Variants in HRAS observed in about 807,000 individuals in gnomAD.
HRAS encodes the protein HRas proto-oncogene, GTPase.
A neutral mutation model predicts 19.8 loss-of-function variants in HRAS; 11 were observed. The observed-to-expected ratio is 0.55, with a 90% CI of 0.35 to 0.92. HRAS has a LOEUF of 0.92. Ranked by LOEUF, HRAS falls within the 40% of genes least tolerant of loss-of-function variation. HRAS has a pLI of 0.01. For missense variants in HRAS, 204 were observed against 255.9 expected, an observed-to-expected ratio of 0.80 and a Z score of 1.38; for synonymous variants, 149 against 105.5, an observed-to-expected ratio of 1.41 and a Z score of -2.52.
Position 533,920 on chromosome 11 carries a change from T to G in HRAS, c.136A>C (p.Ile46Leu). The change falls in exon 3 of 6, where the codon ATT becomes CTT. Residue 46 changes from isoleucine to leucine, a missense_variant. Transcript: ENST00000311189. ...IEDSYRKQVV[I>L]DGETCLLDIL... is the part of the protein sequence containing the mutation. ...TCCAACAGGCACGTCTCCCCATCAA[T>G]GACCACCTGCTTCCGGTAGGAATCC... 2 of 1,612,706 alleles carry G rather than the reference T, an allele frequency of 1.2e-6. No homozygotes were observed. The highest frequency in any genetic ancestry group is 1.7e-6 in the Non-Finnish European group (2 of 1,179,970).
intron 1 of HRAS, 69 bp from the exon 2 acceptor site, chr11:534,444 G>C: frequency 1.3e-6 from 1 of 778,912 alleles, no homozygotes. Context: ...GCTGCTGGCA[G>C]GGCCATCTGA....
At position 532,457 on chromosome 11, in the gene HRAS, T is replaced by G. The variant is rs1402558861; in HGVS notation, c.*71A>C. 2.2e-5 allele frequency: 19 copies of G among 870,760 alleles called. No homozygotes were observed. Among genetic ancestry groups the G allele is most frequent in the Admixed American group, 1.2e-4 (5 of 41,990 alleles). 53.9% of individuals were successfully genotyped at this position (870,760 alleles called of 1,614,324 possible). A position where few individuals can be genotyped will look rare whatever the true frequency, so the allele number is the denominator to read the frequency against. ...CTTCCTTCCTTCCTTGCTTCCGTCC[T>G]TCCTTCCTCCTCCTTCCGTCTGCAC... On this transcript the variant is annotated 3_prime_UTR_variant, in exon 6 of 6. Transcript: ENST00000311189.
At chr11:533,683 G>C in intron 3 of HRAS, 71 bp from the exon 4 acceptor site, 1 of 1,611,716 alleles carries the variant, frequency 6.2e-7, no homozygotes, top group East Asian at 2.2e-5. Context: ...TGCGCAGAGA[G>C]GACAGGAGGC....
rs1851157641 is a variant in HRAS, at chr11:532,456, C to T, written c.*72G>A. 4 of 862,508 alleles carry T rather than the reference C, an allele frequency of 4.6e-6. No homozygotes were observed. The highest frequency in any genetic ancestry group is 7.1e-6 in the Non-Finnish European group (4 of 562,064). 53.4% of individuals were successfully genotyped at this position (862,508 alleles called of 1,614,324 possible). A position where few individuals can be genotyped will look rare whatever the true frequency, so the allele number is the denominator to read the frequency against. Reference sequence around the variant, plus strand: ...CCTTCCTTCCTTCCTTGCTTCCGTCCTTCCTTCCTCCTCCTTCCGTCTGCA... The same window carrying T: ...CCTTCCTTCCTTCCTTGCTTCCGTCTTTCCTTCCTCCTCCTTCCGTCTGCA... On this transcript the variant is annotated 3_prime_UTR_variant, in exon 6 of 6. Transcript: ENST00000311189.
Position 532,744 on chromosome 11 carries a change from A to G in HRAS, c.462T>C (p.Asp154=), listed in dbSNP as rs1412169294. The G allele has an allele frequency of 1.9e-6, 3 of 1,612,744 alleles. No homozygotes were observed. Among genetic ancestry groups the G allele is most frequent in the Non-Finnish European group, 2.5e-6 (3 of 1,179,982 alleles). The change falls in exon 5 of 6, where the codon GAT becomes GAC. Residue 154 remains aspartate, a synonymous_variant. Coordinates refer to ENST00000311189, the MANE Select transcript of HRAS (RefSeq NM_005343.4). The part of the protein sequence containing the change: ...TSAKTRQGVE[D]AFYTLVREIR... The stretch of plus-strand genomic sequence containing the variant: ...TCTCACGCACCAACGTGTAGAAGGC[A>G]TCCTCCACTCCCTGGGAAAGGAGGG...
chr11:532,465 TCCTCCTTCCGTCTGCA>T lies in HRAS; in HGVS notation c.*47_*62del. On this transcript the variant is annotated 3_prime_UTR_variant, in exon 6 of 6. Transcript: ENST00000311189. ...CTTCCTTGCTTCCGTCCTTCCTTCC[TCCTCCTTCCGTCTGCA>T]CCTCCTTCCTGCATCCGGCACCTCC... 2 of 899,838 alleles carry T rather than the reference TCCTCCTTCCGTCTGCA, an allele frequency of 2.2e-6. No individual in the cohort carries two copies. Among genetic ancestry groups the T allele is most frequent in the Non-Finnish European group, 3.4e-6 (2 of 593,416 alleles). 55.7% of individuals were successfully genotyped at this position (899,838 alleles called of 1,614,324 possible).
In HRAS at chr11:532,509, G is replaced by T; in HGVS notation, c.*19C>A. On this transcript the variant is annotated 3_prime_UTR_variant, in exon 6 of 6. Coordinates refer to ENST00000311189, the MANE Select transcript of HRAS (RefSeq NM_005343.4). ...TCCTTCCTGCATCCGGCACCTCCAT[G>T]TCCTGAGCTTGTGCTGGGCGGGGCA... 1 of 1,316,170 alleles carries T rather than the reference G, an allele frequency of 7.6e-7. No homozygotes were observed. Among genetic ancestry groups the T allele is most frequent in the African/African-American group, 1.5e-5 (1 of 68,864 alleles). The allele number at this position is 1,316,170 out of a possible 1,614,324, so 81.5% of individuals were successfully genotyped here. A position where few individuals can be genotyped will look rare whatever the true frequency, so the allele number is the denominator to read the frequency against.
chr11:533,340 TAGAGCC>T, intron 4 of HRAS, 107 bp downstream of exon 4: 1 of 1,605,844 alleles, frequency 6.2e-7, no homozygotes, highest in Non-Finnish European at 8.5e-7. Context: ...GAGCTGGAGC[TAGAGCC>T]AGAGCGGCTG....
At chr11:534,946 G>A (rs540400214) in intron 1 of HRAS, among the ~76,000 whole-genome samples, 2 of 152,376 alleles carry the variant, frequency 1.3e-5, no homozygotes, top group South Asian at 2.1e-4. Context: ...GGAGCTCCTG[G>A]GAAGCAGGGA....
At position 532,528 on chromosome 11, in the gene HRAS, C is replaced by G; in HGVS notation, c.*6-6G>C. The G allele has an allele frequency of 3.4e-6, 5 of 1,452,594 alleles. No homozygotes were observed. The highest frequency in any genetic ancestry group is 4.7e-6 in the Non-Finnish European group (5 of 1,072,436). 90.0% of individuals were successfully genotyped at this position (1,452,594 alleles called of 1,614,324 possible). A position where few individuals can be genotyped will look rare whatever the true frequency, so the allele number is the denominator to read the frequency against. On this transcript the variant is annotated splice_region_variant and splice_polypyrimidine_tract_variant and intron_variant, in intron 5 of 5. Coordinates refer to ENST00000311189, the MANE Select transcript of HRAS (RefSeq NM_005343.4). ...CTCCATGTCCTGAGCTTGTGCTGGG[C>G]GGGGCACAAGGGAGGCTGCTGACCG...
chr11:534,945 G>A (rs1413756983), intron 1 of HRAS, among the ~76,000 whole-genome samples: 2 of 152,248 alleles, frequency 1.3e-5, no homozygotes, highest in East Asian at 1.9e-4. Context: ...AGGAGCTCCT[G>A]GGAAGCAGGG....
intron 5 of HRAS, 21 bp downstream of exon 5, chr11:532,607 GGCC>G (rs1273622267): frequency 6.2e-7 from 1 of 1,602,124 alleles, no homozygotes; most frequent in African/African-American, 1.3e-5. Context: ...TGGGCGTGGC[GGCC>G]GCCCTGGGAG....
rs1382489544 is a variant in HRAS at position 535,554 on chromosome 11, G to C, written c.-192C>G. ...CTCGGGTTGCGGGCGCAGGGCACGG[G>C]CGGCGGAGACTCGGGCGGGCCTGCG... On this transcript the variant is annotated 5_prime_UTR_variant, in exon 1 of 6. Transcript: ENST00000311189. The C allele has an allele frequency of 6.7e-6, 1 of 148,706 alleles. No individual in the cohort carries two copies. Among genetic ancestry groups the C allele is most frequent in the Non-Finnish European group, 1.5e-5 (1 of 66,450 alleles). The allele number at this position is 148,706 out of a possible 1,614,324, so 9.2% of individuals were successfully genotyped here. A position where few individuals can be genotyped will look rare whatever the true frequency, so the allele number is the denominator to read the frequency against.
chr11:533,147 G>A, intron 4 of HRAS: 2 of 838,738 alleles, frequency 2.4e-6, no homozygotes, highest in Non-Finnish European at 3.6e-6. Flanking sequence ...CACCGCTCCG[G>A]CCTGGCTCAG....
At position 532,671 on chromosome 11, in the gene HRAS, G is replaced by C. The variant is rs1201430199; in HGVS notation, c.535C>G (p.Pro179Ala). The C allele has an allele frequency of 6.2e-7, 1 of 1,613,022 alleles. No individual in the cohort carries two copies. The highest frequency in any genetic ancestry group is 1.3e-5 in the African/African-American group (1 of 75,048). ...ACACACTTGCAGCTCATGCAGCCGGGGCCACTCTCATCAGGAGGGTTCAGC... is the reference window on the plus strand; with the variant it reads ...ACACACTTGCAGCTCATGCAGCCGGCGCCACTCTCATCAGGAGGGTTCAGC... ...RKLNPPDESG[P>A]GCMSCKCVLS Residue 179 changes from proline to alanine, a missense_variant, in exon 5 of 6, where the codon CCC (proline) becomes GCC (alanine). By Grantham distance (27) the Pro-to-Ala change is conservative. Around this residue, in one of 4 missense-constraint regions of HRAS, gnomAD observed 142 missense variants for 141.1 expected, o/e 1.01. Coordinates refer to ENST00000311189, the MANE Select transcript of HRAS (RefSeq NM_005343.4).
chr11:533,281 C>A (rs1226835781), intron 4 of HRAS, 172 bp downstream of exon 4: 1 of 1,589,626 alleles, frequency 6.3e-7, no homozygotes, highest in African/African-American at 1.3e-5. Context: ...ACTTACAGCG[C>A]GAGGGGCCGC....
Position 533,228 on chromosome 11 carries a change from G to C in HRAS, c.450+225C>G, listed in dbSNP as rs1851215011. 6 of 1,480,140 alleles carry C rather than the reference G, an allele frequency of 4.1e-6. No homozygotes were observed. The Admixed American group carries it at 9.9e-5, about 24-fold the overall frequency. The allele number at this position is 1,480,140 out of a possible 1,614,324, so 91.7% of individuals were successfully genotyped here. On this transcript the variant is annotated intron_variant, in intron 4 of 5. Transcript: ENST00000311189. The stretch of plus-strand genomic sequence containing the variant: ...CCCAGGACTGCAGGGCGTGAGCCCA[G>C]ACCCCGGCCCTCGCCTCCCTCACTG...
rs1467237839 is a variant in HRAS, at chr11:534,002, C to T, written c.112-58G>A. 5 of 1,558,270 alleles carry T rather than the reference C, an allele frequency of 3.2e-6. No individual in the cohort carries two copies. In the African/African-American group the frequency reaches 6.8e-5, roughly 21 times the overall value. On this transcript the variant is annotated intron_variant, in intron 2 of 5. Coordinates refer to ENST00000311189, the MANE Select transcript of HRAS (RefSeq NM_005343.4). ...GGACCTTCCGTGGGGGGAGTTCACA[C>T]AGCCAGCCTCTCCCTGGTACCTCTC...
At chr11:534,792 G>A (rs924092026) in intron 1 of HRAS, among the ~76,000 whole-genome samples, 1 of 152,192 alleles carries the variant, frequency 6.6e-6, no homozygotes, top group African/African-American at 2.4e-5. Context: ...CAGGCCCCGC[G>A]GCGCTGGTGC....
Sources: allele counts gnomAD v4.1 joint callset (sites outside exome capture counted in the v4.1 genomes callset), GRCh38; gene constraint gnomAD v4.1.1; regional missense constraint gnomAD v4.1.1; transcripts MANE v1.5; gene names NCBI Gene and HGNC (gene_info 2026-07-23, HGNC 2026-07-21).